ZNF782: variants seen among roughly 807,000 people sequenced by gnomAD.
The protein encoded by ZNF782 is zinc finger protein 782.
ZNF782 carries 12 observed loss-of-function variants against 13.0 expected under a neutral mutation model. The ratio of observed to expected loss-of-function variants is 0.92; its 90% confidence interval spans 0.59 to 1.50. The LOEUF (loss-of-function observed/expected upper bound fraction) is 1.50. Among genes scored for constraint, ZNF782 ranks in the 40% most tolerant of loss-of-function variants. The pLI, the probability that ZNF782 is intolerant of heterozygous loss-of-function variation, is 0.00. For synonymous variants in ZNF782, 284 were observed against 283.0 expected (o/e 1.00, Z -0.04); for missense variants, 770 against 822.9 (o/e 0.94, Z 0.79).
chr9:96,871,329 G>T (rs1851824446), intron 1 of ZNF782, among the ~76,000 whole-genome samples: 1 of 150,796 alleles, frequency 6.6e-6, no homozygotes, highest in Middle Eastern at 3.4e-3. Context: ...GTTACCCAAT[G>T]TACAGTGCAA....
chr9:96,847,485 T>C (rs866802845), intron 3 of ZNF782, among the ~76,000 whole-genome samples: 20 of 152,092 alleles, frequency 1.3e-4, no homozygotes, highest in African/African-American at 4.8e-4. Context: ...CTGGAAACAT[T>C]ACAACCGACA....
At chr9:96,891,715 C>A in the ZNF782 span, 9 of 152,090 alleles carry the variant, frequency 5.9e-5, no homozygotes, top group African/African-American at 2.2e-4. Context: ...CCCACCACCA[C>A]GCCTGGCTAA....
chr9:96,861,906 T>C (rs955993462), intron 1 of ZNF782, among the ~76,000 whole-genome samples: 3 of 152,234 alleles, frequency 2.0e-5, no homozygotes, highest in Non-Finnish European at 4.4e-5. Flanking sequence ...ATCCCACTGC[T>C]GGGTATATAC....
At position 96,844,900 on chromosome 9, in the gene ZNF782, G is replaced by A. The variant is rs141355470; in HGVS notation, c.132C>T (p.Leu44=). Residue 44 remains leucine (L), a synonymous_variant, in exon 4 of 6, where the codon CTC becomes CTT. Coordinates refer to ENST00000481138, the MANE Select transcript of ZNF782 (RefSeq NM_001001662.3). ...RDVMLENYSH[L]VSVGYCFTKP... ...GTAAGCTGTGCTCACCCACTGAGAC[G>A]AGGTGGCTGTAGTTCTCCAGCATCA... is the stretch of plus-strand genomic sequence containing the variant. 497 of 1,613,926 alleles carry A rather than the reference G, an allele frequency of 3.1e-4. 4 individuals are homozygous for A. In the African/African-American group the frequency reaches 5.8e-3, roughly 19 times the overall value.
chr9:96,871,927 C>A (rs751264992), intron 1 of ZNF782, among the ~76,000 whole-genome samples: 2 of 152,118 alleles, frequency 1.3e-5, no homozygotes, highest in Non-Finnish European at 2.9e-5. Context: ...AAATTATTTT[C>A]TCTAGATGTG....
At chr9:96,916,024 A>G in the ZNF782 span, among the ~76,000 whole-genome samples, 1 of 151,510 alleles carries the variant, frequency 6.6e-6, no homozygotes. Flanking sequence ...TAAACAGGAG[A>G]ATCAGACTTA....
chr9:96,911,694 G>A, the ZNF782 span, among the ~76,000 whole-genome samples: 2 of 150,912 alleles, frequency 1.3e-5, no homozygotes, highest in African/African-American at 4.8e-5. Context: ...CTAATTTTTT[G>A]TATTTTTAGT....
At chr9:96,846,655 A>G (rs541664962) in intron 3 of ZNF782, among the ~76,000 whole-genome samples, 1 of 152,278 alleles carries the variant, frequency 6.6e-6, no homozygotes, top group Non-Finnish European at 1.5e-5. Flanking sequence ...ACAATCCCAA[A>G]TTTATATGCA....
chr9:96,819,806 T>G, intron 5 of ZNF782, 28 bp from the exon 6 acceptor site: 2 of 1,515,750 alleles, frequency 1.3e-6, no homozygotes, highest in Non-Finnish European at 1.8e-6. Context: ...AAACAAACTT[T>G]ATGATATTTA....
chr9:96,819,583 C>A lies in ZNF782; in HGVS notation c.440G>T (p.Gly147Val). Residue 147 changes from glycine (G) to valine (V), a missense_variant, in exon 6 of 6, where the codon GGG becomes GTG. Coordinates refer to ENST00000481138, the MANE Select transcript of ZNF782 (RefSeq NM_001001662.3). ...KCDIAGSACQ[G>V]LSLMAPHCQY... ...ACAGTGTGGGGCCATCAGGCTGAGC[C>A]CCTGGCAAGCAGACCCCGCAATGTC... is the stretch of plus-strand genomic sequence containing the variant. 1.9e-6 allele frequency: 3 copies of A among 1,613,710 alleles called. No individual in the cohort carries two copies. Among genetic ancestry groups the A allele is most frequent in the Non-Finnish European group, 2.5e-6 (3 of 1,179,944 alleles).
chr9:96,858,140 T>C (rs1851666570), upstream of ZNF782, among the ~76,000 whole-genome samples: 1 of 152,216 alleles, frequency 6.6e-6, no homozygotes, highest in African/African-American at 2.4e-5. The surrounding 1 kb of genome is among the most constrained non-coding windows in gnomAD (Gnocchi z 4.4). Context: ...TCATACATTG[T>C]GCATTTGCTC....
chr9:96,877,514 C>T (rs564354084), upstream of ZNF782, among the ~76,000 whole-genome samples: 1 of 152,266 alleles, frequency 6.6e-6, no homozygotes, highest in African/African-American at 2.4e-5. Context: ...CCTGCCGCGC[C>T]GCTTCCTCCG....
chr9:96,868,119 A>C (rs932278333), intron 1 of ZNF782, among the ~76,000 whole-genome samples: 3 of 152,264 alleles, frequency 2.0e-5, no homozygotes, highest in African/African-American at 7.2e-5. Context: ...GCTGAGAAAC[A>C]CAAAATATTC....
chr9:96,880,006 C>T (rs1715748641), upstream of ZNF782, among the ~76,000 whole-genome samples: 1 of 151,892 alleles, frequency 6.6e-6, no homozygotes, highest in Admixed American at 6.6e-5. Context: ...GGCCAGGATT[C>T]CCAGTACTAT....
chr9:96,820,980 G>A (rs534819704), intron 5 of ZNF782, among the ~76,000 whole-genome samples: 6 of 152,164 alleles, frequency 3.9e-5, no homozygotes, highest in South Asian at 2.1e-4. Flanking sequence ...AACATTGCTA[G>A]TTTTTATTGA....
the ZNF782 span, among the ~76,000 whole-genome samples, chr9:96,926,876 C>T: frequency 6.6e-6 from 1 of 152,082 alleles, no homozygotes; most frequent in Non-Finnish European, 1.5e-5. Context: ...TGCACTGGTC[C>T]GGCTGAAGGC....
At chr9:96,931,448 G>C in the ZNF782 span, among the ~76,000 whole-genome samples, 2 of 151,748 alleles carry the variant, frequency 1.3e-5, 1 homozygote, top group East Asian at 3.9e-4. Context: ...CAGTCTGCCA[G>C]GGACACCCGA....
At chr9:96,837,116 T>C (rs988472067) in intron 4 of ZNF782, among the ~76,000 whole-genome samples, 1 of 152,198 alleles carries the variant, frequency 6.6e-6, no homozygotes, top group Non-Finnish European at 1.5e-5. Context: ...ATTTCCTTAC[T>C]TTCTGGTTCT....
Position 96,819,603 on chromosome 9 carries a change from A to G in ZNF782, c.420T>C (p.Ile140=). 1 of 1,614,024 alleles carries G rather than the reference A, an allele frequency of 6.2e-7. No individual in the cohort carries two copies. The highest frequency in any genetic ancestry group is 8.5e-7 in the Non-Finnish European group (1 of 1,180,014). The change falls in exon 6 of 6, where the codon ATT becomes ATC. Residue 140 remains isoleucine (I), a synonymous_variant. Coordinates refer to ENST00000481138, the MANE Select transcript of ZNF782 (RefSeq NM_001001662.3). ...RARMMPCKCD[I]AGSACQGLSL... ...TGAGCCCCTGGCAAGCAGACCCCGCAATGTCACATTTACAAGGCATCATTC... is the reference window on the plus strand; with the variant it reads ...TGAGCCCCTGGCAAGCAGACCCCGCGATGTCACATTTACAAGGCATCATTC...
Sources: allele counts gnomAD v4.1 joint callset (sites outside exome capture counted in the v4.1 genomes callset), GRCh38; gene constraint gnomAD v4.1.1; non-coding constraint Gnocchi (gnomAD v3.1); transcripts MANE v1.5; gene names NCBI Gene and HGNC (gene_info 2026-07-23, HGNC 2026-07-21).